The following DMD variants were observed in gnomAD, a reference collection of about 807,000 sequenced individuals.
DMD encodes mutant dystrophin.
A neutral mutation model predicts 330.1 loss-of-function variants in DMD; 63 were observed. The ratio of observed to expected loss-of-function variants is 0.19; its 90% CI spans 0.16 to 0.24. The LOEUF is 0.24. Among genes scored for constraint, DMD ranks in the 10% least tolerant of loss-of-function variants. DMD has a pLI of 1.00. For missense variants in DMD, 3,344 were observed against 2,684.1 expected (o/e 1.25, Z -5.43); for synonymous variants, 1,223 against 959.8 (o/e 1.27, Z -5.07).
chrX:32,937,022 G>C (rs886497695), intron 2 of DMD, among the ~76,000 whole-genome samples: 5 of 111,519 alleles, frequency 4.5e-5, no homozygotes, highest in Non-Finnish European at 9.4e-5. Flanking sequence ...CTCAATCAGA[G>C]TCCCGGTAGA....
intron 7 of DMD, among the ~76,000 whole-genome samples, chrX:32,728,964 T>C (rs1397557694): frequency 8.9e-6 from 1 of 111,953 alleles, no homozygotes; most frequent in Non-Finnish European, 1.9e-5. Flanking sequence ...TCTACCATTT[T>C]CCAACTACCA....
intron 17 of DMD, among the ~76,000 whole-genome samples, chrX:32,523,964 G>A (rs1284851841): frequency 2.3e-5 from 2 of 85,887 alleles, no homozygotes; most frequent in African/African-American, 9.1e-5. Context: ...ACGGAGTCTT[G>A]CTCTGTCACC....
intron 43 of DMD, among the ~76,000 whole-genome samples, chrX:32,276,717 C>A (rs1402960519): frequency 9.0e-6 from 1 of 110,503 alleles, no homozygotes; most frequent in East Asian, 2.9e-4. Context: ...GTCAGGAGTT[C>A]GAGACCAGCC....
intron 1 of DMD, among the ~76,000 whole-genome samples, chrX:33,156,041 T>C (rs1404983472): frequency 8.9e-6 from 1 of 111,825 alleles, no homozygotes; most frequent in Non-Finnish European, 1.9e-5. Flanking sequence ...ATAAATATAC[T>C]AACCAGTGGC....
chrX:32,600,337 G>A (rs1184306837), intron 12 of DMD, among the ~76,000 whole-genome samples: 2 of 111,372 alleles, frequency 1.8e-5, no homozygotes, highest in Admixed American at 1.9e-4. Flanking sequence ...TAAAGGTGAA[G>A]AGCAATAATT....
At chrX:33,297,673 G>T (rs149892391) in intron 1 of DMD, among the ~76,000 whole-genome samples, 1,161 of 111,364 alleles carry the variant, frequency 0.01, 6 homozygotes, top group Non-Finnish European at 0.017. Flanking sequence ...GAAATCTTGC[G>T]ATTTGCAACA....
At chrX:32,118,129 C>A (rs1263911687) in intron 44 of DMD, among the ~76,000 whole-genome samples, 1 of 111,320 alleles carries the variant, frequency 9.0e-6, no homozygotes, top group Non-Finnish European at 1.9e-5. Context: ...CACCCAGGGA[C>A]AAGAAGTATA....
At chrX:32,278,945 G>A (rs983390078) in intron 43 of DMD, among the ~76,000 whole-genome samples, 1 of 111,482 alleles carries the variant, frequency 9.0e-6, no homozygotes, top group Non-Finnish European at 1.9e-5. Context: ...GAATATATAA[G>A]GAGTTAAAAC....
intron 1 of DMD, among the ~76,000 whole-genome samples, chrX:33,118,104 T>A (rs1377954606): frequency 1.1e-5 from 1 of 87,798 alleles, no homozygotes; most frequent in Non-Finnish European, 2.2e-5. Flanking sequence ...CTGAACAAGT[T>A]CAAGACTCTT....
intron 7 of DMD, among the ~76,000 whole-genome samples, chrX:32,801,116 ATGTT>A (rs774706085): frequency 1.8e-5 from 2 of 111,387 alleles, no homozygotes; most frequent in Non-Finnish European, 3.8e-5. Context: ...GTCTTCCACA[ATGTT>A]TGAACTAATT....
intron 43 of DMD, among the ~76,000 whole-genome samples, chrX:32,269,739 C>T (rs1318112225): frequency 1.8e-5 from 2 of 112,016 alleles, no homozygotes; most frequent in African/African-American, 3.2e-5. Flanking sequence ...GTATTAGATT[C>T]TAAATAAATA....
chrX:33,308,788 T>G (rs1268353810), intron 1 of DMD, among the ~76,000 whole-genome samples: 1 of 112,035 alleles, frequency 8.9e-6, no homozygotes, highest in East Asian at 2.8e-4. Flanking sequence ...TTGGGAATTT[T>G]TTTAGATACT....
intron 2 of DMD, among the ~76,000 whole-genome samples, chrX:32,963,869 G>A (rs898664366): frequency 7.2e-5 from 8 of 111,446 alleles, no homozygotes; most frequent in Admixed American, 6.7e-4. Flanking sequence ...TAATACAGAA[G>A]GTGGAGAGCC....
At chrX:32,221,416 C>T (rs916370688) in intron 43 of DMD, among the ~76,000 whole-genome samples, 2 of 111,200 alleles carry the variant, frequency 1.8e-5, no homozygotes, top group Non-Finnish European at 1.9e-5. Context: ...CCCTCAACTT[C>T]CCAAGTAATA....
chrX:33,279,881 T>A (rs1390396246), intron 1 of DMD, among the ~76,000 whole-genome samples: 1 of 89,390 alleles, frequency 1.1e-5, no homozygotes, highest in African/African-American at 4.6e-5. Context: ...TCTGTGCCTG[T>A]CTTTTGTCCA....
intron 44 of DMD, among the ~76,000 whole-genome samples, chrX:32,033,250 A>G (rs1041126675): frequency 9.0e-6 from 1 of 111,367 alleles, no homozygotes; most frequent in Non-Finnish European, 1.9e-5. Context: ...GGAAGTTACT[A>G]ATCAACAGAC....
At chrX:32,675,271 A>G (rs958668922) in intron 9 of DMD, among the ~76,000 whole-genome samples, 1 of 111,300 alleles carries the variant, frequency 9.0e-6, no homozygotes, top group Non-Finnish European at 1.9e-5. Context: ...CAGGCTTGCT[A>G]TAAATCAGAA....
intron 44 of DMD, among the ~76,000 whole-genome samples, chrX:32,214,224 TAAAA>T (rs200083093): frequency 5.8e-4 from 52 of 88,983 alleles, no homozygotes; most frequent in African/African-American, 2.2e-3. Context: ...CTGAAACACT[TAAAA>T]AAAAAAAAAA....
intron 44 of DMD, among the ~76,000 whole-genome samples, chrX:32,141,571 C>T (rs1412944515): frequency 1.8e-5 from 2 of 111,439 alleles, no homozygotes; most frequent in African/African-American, 3.3e-5. Flanking sequence ...TTTTTATTCT[C>T]CTTTGCTCTC....
Sources: gnomAD v4.1 joint callset for allele counts (sites outside exome capture counted in the v4.1 genomes callset) on GRCh38, gnomAD v4.1.1 for gene constraint, MANE v1.5 for transcripts, NCBI Gene and HGNC (gene_info 2026-07-23, HGNC 2026-07-21) for gene names.